Variants in NID2 observed in about 807,000 individuals in gnomAD.
The protein encoded by NID2 is nidogen-2.
In NID2, 83 loss-of-function variants were observed where a neutral mutation model predicts 145.4. The ratio of observed to expected loss-of-function variants is 0.57; its 90% CI spans 0.48 to 0.69. The LOEUF (loss-of-function observed/expected upper bound fraction) is 0.69, where lower values mean the gene tolerates loss of function less well. Ranked by LOEUF, NID2 falls within the 30% of genes least tolerant of loss-of-function variation. The probability of loss-of-function intolerance (pLI) is 0.00; values close to 1 mark genes in which losing one functional copy is unlikely to be tolerated. For missense variants in NID2, 1,807 were observed against 1,765.7 expected, an observed-to-expected ratio of 1.02 and a Z score of -0.42; for synonymous variants, 739 against 701.3, an observed-to-expected ratio of 1.05 and a Z score of -0.85.
intron 3 of NID2, among the ~76,000 whole-genome samples, chr14:52,057,200 C>A (rs1892877882): frequency 6.6e-6 from 1 of 152,082 alleles, no homozygotes; most frequent in African/African-American, 2.4e-5. Flanking sequence ...CACCACCACA[C>A]CCAGCTAATT....
At chr14:52,053,330 C>G (rs976872718) in intron 5 of NID2, among the ~76,000 whole-genome samples, 2 of 152,176 alleles carry the variant, frequency 1.3e-5, no homozygotes, top group African/African-American at 4.8e-5. Context: ...TTCCCCCACT[C>G]ACTTCATGAG....
At chr14:52,008,027 C>G in intron 18 of NID2, 60 bp from the exon 19 acceptor site, 1 of 1,390,602 alleles carries the variant, frequency 7.2e-7, no homozygotes, top group Non-Finnish European at 9.9e-7. Context: ...TAGGCAGCAT[C>G]TAAGCAGCCC....
chr14:52,039,913 T>G (rs1892213914), intron 8 of NID2, among the ~76,000 whole-genome samples: 1 of 152,212 alleles, frequency 6.6e-6, no homozygotes, highest in South Asian at 2.1e-4. Context: ...CTAGCATTAG[T>G]TTTATAATAA....
chr14:52,030,351 A>G (rs1447974616), intron 9 of NID2, among the ~76,000 whole-genome samples: 1 of 151,948 alleles, frequency 6.6e-6, no homozygotes, highest in South Asian at 2.1e-4. Flanking sequence ...AGAGAAATCT[A>G]TTTTGGCTGA....
intron 9 of NID2, among the ~76,000 whole-genome samples, chr14:52,036,731 T>C (rs927456017): frequency 5.3e-5 from 8 of 152,238 alleles, no homozygotes; most frequent in African/African-American, 1.9e-4. Context: ...ATTGTGGTTT[T>C]GATTTGCATT....
In NID2 at chr14:52,040,718, A is replaced by G. The variant is rs751605064; in HGVS notation, c.1959T>C (p.Pro653=). 6.2e-7 allele frequency: 1 copy of G among 1,614,014 alleles called. No homozygotes were observed. Among genetic ancestry groups the G allele is most frequent in the African/African-American group, 1.3e-5 (1 of 74,952 alleles). The change falls in exon 8 of 22, where the codon CCT becomes CCC. Residue 653 remains proline, a synonymous_variant. Transcript: ENST00000216286. ...GGGCTGTGAAATTTGCTGAGACGTA[A>G]GGCACCTGGCCTTGAATGTTGGTCT... The part of the protein sequence containing the change: ...SIKTNIQGQV[P]YVSANFTAHI...
At chr14:52,047,016 G>A (rs1892524129) in intron 5 of NID2, among the ~76,000 whole-genome samples, 1 of 152,190 alleles carries the variant, frequency 6.6e-6, no homozygotes, top group Admixed American at 6.5e-5. Context: ...TTAGGTGAAA[G>A]GTAAATGCTT....
At chr14:52,022,993 C>T (rs1298188298) in intron 12 of NID2, among the ~76,000 whole-genome samples, 1 of 152,186 alleles carries the variant, frequency 6.6e-6, no homozygotes, top group Non-Finnish European at 1.5e-5. Flanking sequence ...GCTGATTGTA[C>T]CCCTGTATGG....
In NID2 at chr14:52,029,672, G is replaced by A. The variant is rs61971559; in HGVS notation, c.2276C>T (p.Pro759Leu). 1.2e-3 allele frequency: 1,861 copies of A among 1,613,822 alleles called. 20 individuals are homozygous for A. The African/African-American group carries it at 0.021, about 18-fold the overall frequency. ...GPVKEDSDPT[P>L]GNPCYDGSHM... is the part of the protein sequence containing the mutation. ...GCTCCCATCATAGCAAGGATTCCCC[G>A]GAGTGGGGTCTGAATCCTCTGCATG... is the stretch of plus-strand genomic sequence containing the variant. Residue 759 changes from proline (P) to leucine (L), a missense_variant, in exon 10 of 22, where the codon CCG becomes CTG. Transcript: ENST00000216286.
rs7146229 is a variant in NID2 at position 52,068,092 on chromosome 14, G to A, written c.300C>T (p.Pro100=). ...RETQYVDYDF[P]TDFPAIAPFL... is the part of the protein sequence containing the mutation. ...AAGGGGCGATGGCCGGGAAGTCGGT[G>A]GGGAAATCATAGTCCACATACTGCG... Residue 100 remains proline (P), a synonymous_variant, in exon 2 of 22, where the codon CCC becomes CCT. Coordinates refer to ENST00000216286, the MANE Select transcript of NID2 (RefSeq NM_007361.4). 2.2e-3 allele frequency: 3,490 copies of A among 1,613,586 alleles called. 67 individuals are homozygous for A. The African/African-American group carries it at 0.041, about 19-fold the overall frequency.
Position 52,005,080 on chromosome 14 carries a change from A to C in NID2, c.*406T>G, listed in dbSNP as rs1308868103. 6.1e-6 allele frequency: 1 copy of C among 164,202 alleles called. No individual in the cohort carries two copies. The highest frequency in any genetic ancestry group is 1.3e-5 in the Non-Finnish European group (1 of 76,148). The allele number at this position is 164,202 out of a possible 1,614,324, so 10.2% of individuals were successfully genotyped here. On this transcript the variant is annotated 3_prime_UTR_variant, in exon 22 of 22. Coordinates refer to ENST00000216286, the MANE Select transcript of NID2 (RefSeq NM_007361.4). ...TTGGCTTCTCCAACTGTCAAGGTTT[A>C]GGATTATATTGTTATATTGATCACA...
At chr14:52,058,412 G>T (rs570383150) in intron 3 of NID2, among the ~76,000 whole-genome samples, 7 of 152,060 alleles carry the variant, frequency 4.6e-5, no homozygotes, top group African/African-American at 1.7e-4. Context: ...TTTATTATTT[G>T]TATTAAGCAT....
chr14:52,044,121 G>C (rs76572071), intron 5 of NID2, among the ~76,000 whole-genome samples: 2 of 152,020 alleles, frequency 1.3e-5, no homozygotes, highest in African/African-American at 4.8e-5. Flanking sequence ...AGTATTCCCA[G>C]GGAGAACAGA....
In NID2 at chr14:52,027,299, C is replaced by A; in HGVS notation, c.2576G>T (p.Cys859Phe). Reference sequence around the variant, plus strand: ...ACACCGGGCCTGCCCAGCAGGAGCACAGGTATGACTGCCATCCTCACAGGG... The same window carrying A: ...ACACCGGGCCTGCCCAGCAGGAGCAAAGGTATGACTGCCATCCTCACAGGG... ...ANPCEDGSHTCAPAGQARCVH... is the reference protein window; with the variant it reads ...ANPCEDGSHTFAPAGQARCVH... The change falls in exon 12 of 22, where the codon TGT (cysteine) becomes TTT (phenylalanine). Residue 859 changes from cysteine (C) to phenylalanine (F), a missense_variant. Coordinates refer to ENST00000216286, the MANE Select transcript of NID2 (RefSeq NM_007361.4). The A allele has an allele frequency of 1.9e-6, 3 of 1,594,238 alleles. No homozygotes were observed. The highest frequency in any genetic ancestry group is 2.6e-6 in the Non-Finnish European group (3 of 1,171,278).
At chr14:52,014,936 T>C in intron 15 of NID2, 118 bp downstream of exon 15, 1 of 807,506 alleles carries the variant, frequency 1.2e-6, no homozygotes, top group Admixed American at 2.3e-5. Context: ...TAGCACATAG[T>C]GACTTCTTTC....
At chr14:52,008,039 C>CA in intron 18 of NID2, 72 bp from the exon 19 acceptor site, 1 of 1,221,150 alleles carries the variant, frequency 8.2e-7, no homozygotes, top group South Asian at 1.4e-5. Flanking sequence ...AAGCAGCCCC[C>CA]AGTGATCTCC....
chr14:52,013,843 G>A (rs1891116212), intron 16 of NID2, among the ~76,000 whole-genome samples: 1 of 152,246 alleles, frequency 6.6e-6, no homozygotes, highest in Non-Finnish European at 1.5e-5. Context: ...CGGTGAGACA[G>A]TCATTAACTG....
intron 11 of NID2, 75 bp from the exon 12 acceptor site, chr14:52,027,419 C>T: frequency 7.6e-7 from 1 of 1,309,388 alleles, no homozygotes; most frequent in Non-Finnish European, 1.0e-6. Context: ...ATGGCATGAT[C>T]CACAGACCAA....
chr14:52,039,987 C>T (rs1191434556), intron 8 of NID2, among the ~76,000 whole-genome samples: 1 of 152,184 alleles, frequency 6.6e-6, no homozygotes, highest in African/African-American at 2.4e-5. Flanking sequence ...GTCGCCCAGG[C>T]TGGAGTACAA....
Sources: allele counts gnomAD v4.1 joint callset (sites outside exome capture counted in the v4.1 genomes callset), GRCh38; gene constraint gnomAD v4.1.1; transcripts MANE v1.5; gene names NCBI Gene and HGNC (gene_info 2026-07-23, HGNC 2026-07-21).